FBXL13: variants seen among roughly 807,000 people sequenced by gnomAD.
The protein encoded by FBXL13 is F-box and leucine-rich repeat protein 13.
In FBXL13, 67 loss-of-function variants were observed where a neutral mutation model predicts 83.6. The ratio of observed to expected loss-of-function variants is 0.80; its 90% CI spans 0.66 to 0.98. FBXL13 has a LOEUF of 0.98. FBXL13 is among the 50% of genes least tolerant of loss of function. The pLI is 0.00. For missense variants in FBXL13, 822 were observed against 866.5 expected (o/e 0.95, Z 0.64); for synonymous variants, 272 against 299.5 (o/e 0.91, Z 0.95).
At chr7:102,911,719 A>C in intron 11 of FBXL13, among the ~76,000 whole-genome samples, 1 of 152,256 alleles carries the variant, frequency 6.6e-6, no homozygotes, top group East Asian at 1.9e-4. Context: ...ATGCTCTAAG[A>C]AACAAGAAAA....
intron 6 of FBXL13, among the ~76,000 whole-genome samples, chr7:103,023,031 C>G (rs1023597747): frequency 1.3e-5 from 2 of 152,176 alleles, no homozygotes; most frequent in Admixed American, 1.3e-4. Context: ...AATCCCAGCA[C>G]TTTGGGAGGC....
chr7:103,052,934 T>A lies in FBXL13; in HGVS notation c.-1+2710A>T, dbSNP rs191656544. Among the ~76,000 whole-genome samples the A allele has an allele frequency of 9.2e-5, 14 of 151,864 alleles. No individual in the cohort carries two copies. The East Asian group carries it at 2.7e-3, about 30-fold the overall frequency. On this transcript the variant is annotated intron_variant, in intron 2 of 19. Coordinates refer to ENST00000313221, the Ensembl canonical transcript of FBXL13. Reference sequence around the variant, plus strand: ...ACCACGCCCAGCTAATTTTTGCATTTTTGGTAGAGACAGGATTTCACCATG... The same window carrying A: ...ACCACGCCCAGCTAATTTTTGCATTATTGGTAGAGACAGGATTTCACCATG...
intron 14 of FBXL13, among the ~76,000 whole-genome samples, chr7:102,880,540 C>T (rs1339252763): frequency 6.6e-6 from 1 of 152,120 alleles, no homozygotes; most frequent in Non-Finnish European, 1.5e-5. Context: ...GTTGTCTGCT[C>T]ATATTTCTGA....
At chr7:102,946,431 A>C (rs1476781335) in intron 8 of FBXL13, among the ~76,000 whole-genome samples, 2 of 152,202 alleles carry the variant, frequency 1.3e-5, no homozygotes, top group African/African-American at 2.4e-5. Flanking sequence ...ATCCTTGTCC[A>C]TGGCTGTCTG....
At chr7:102,942,017 G>A (rs1200907103) in intron 8 of FBXL13, among the ~76,000 whole-genome samples, 4 of 152,094 alleles carry the variant, frequency 2.6e-5, no homozygotes, top group African/African-American at 4.8e-5. Context: ...CTGTCCTTAG[G>A]ATCCCCTGAA....
chr7:103,024,857 A>ATTTTTTTTTT (rs1209398568), intron 6 of FBXL13, among the ~76,000 whole-genome samples: 2 of 62,854 alleles, frequency 3.2e-5, no homozygotes, highest in African/African-American at 1.8e-4. Context: ...ATATATATAT[A>ATTTTTTTTTT]TTTTTTTTTT....
At chr7:103,073,638 A>G (rs1363801633) in intron 1 of FBXL13, among the ~76,000 whole-genome samples, 2 of 152,196 alleles carry the variant, frequency 1.3e-5, no homozygotes, top group Non-Finnish European at 2.9e-5. Flanking sequence ...ATATCCTTGT[A>G]CATCCTCCTG....
intron 10 of FBXL13, among the ~76,000 whole-genome samples, chr7:102,924,064 A>G (rs1230553389): frequency 6.6e-6 from 1 of 151,224 alleles, no homozygotes; most frequent in Admixed American, 6.6e-5. Context: ...ACATAGAGAA[A>G]CCCCTCTCTA....
At chr7:102,944,683 T>C (rs2129476093) in intron 8 of FBXL13, 1 of 1,324,816 alleles carries the variant, frequency 7.5e-7, no homozygotes, top group Middle Eastern at 2.3e-4. Flanking sequence ...TACATTTGAT[T>C]AACTGTGTTG....
intron 17 of FBXL13, among the ~76,000 whole-genome samples, chr7:102,842,145 A>T (rs932319190): frequency 6.6e-6 from 1 of 152,232 alleles, no homozygotes; most frequent in African/African-American, 2.4e-5. Context: ...AAATGTCCGG[A>T]CGTTCCACCT....
chr7:102,955,115 A>C (rs1824043989), intron 8 of FBXL13, among the ~76,000 whole-genome samples: 1 of 152,208 alleles, frequency 6.6e-6, no homozygotes, highest in South Asian at 2.1e-4. Context: ...CATCGCACTT[A>C]TTCTAAAATT....
chr7:102,812,605 C>CTTT, downstream of FBXL13, among the ~76,000 whole-genome samples: 1 of 152,116 alleles, frequency 6.6e-6, no homozygotes, highest in East Asian at 1.9e-4. Flanking sequence ...TTTATAAAGC[C>CTTT]TTAAAAAGCG....
At chr7:102,913,098 A>C (rs114626804) in exon 11 of FBXL13, 3 of 1,614,054 alleles carry the variant, frequency 1.9e-6, no homozygotes, top group Non-Finnish European at 2.5e-6. Context: ...GGGTGCAGCC[A>C]GAGAGGTCCA....
At chr7:102,863,296 T>C (rs1190076273) in intron 16 of FBXL13, among the ~76,000 whole-genome samples, 1 of 152,188 alleles carries the variant, frequency 6.6e-6, no homozygotes, top group Non-Finnish European at 1.5e-5. Context: ...GGGTATTTGA[T>C]ATTTGAATTC....
At chr7:102,937,448 A>G (rs1289182689) in intron 8 of FBXL13, among the ~76,000 whole-genome samples, 1 of 145,544 alleles carries the variant, frequency 6.9e-6, no homozygotes, top group Non-Finnish European at 1.5e-5. Context: ...CAGAGGTTGC[A>G]GTGAGCTGAG....
chr7:103,003,763 G>T (rs1157455476), intron 6 of FBXL13, among the ~76,000 whole-genome samples: 1 of 152,016 alleles, frequency 6.6e-6, no homozygotes, highest in Non-Finnish European at 1.5e-5. Context: ...ATTTAGTAGA[G>T]ATGGGGTTTT....
At chr7:103,027,234 T>C (rs2129488414) in intron 5 of FBXL13, among the ~76,000 whole-genome samples, 1 of 150,612 alleles carries the variant, frequency 6.6e-6, no homozygotes, top group Non-Finnish European at 1.5e-5. Flanking sequence ...AGGCAGAGGT[T>C]GCAGTGAGCC....
chr7:102,885,994 G>A (rs1257403502), intron 11 of FBXL13, among the ~76,000 whole-genome samples: 2 of 152,148 alleles, frequency 1.3e-5, no homozygotes, highest in East Asian at 3.8e-4. Context: ...CTATCCTTAT[G>A]CCAGTGCCAT....
chr7:102,973,347 A>G, intron 6 of FBXL13: 1 of 643,730 alleles, frequency 1.6e-6, no homozygotes, highest in South Asian at 1.5e-5. Context: ...AGAGCCGGCC[A>G]GAAGACACCT....
Sources: allele counts gnomAD v4.1 joint callset (sites outside exome capture counted in the v4.1 genomes callset), GRCh38; gene constraint gnomAD v4.1.1; transcripts MANE v1.5; gene names NCBI Gene and HGNC (gene_info 2026-07-23, HGNC 2026-07-21).